The following PCDH11X variants were observed in gnomAD, a reference collection of about 807,000 sequenced individuals.
PCDH11X encodes the protein protocadherin 11 X-linked.
A neutral mutation model predicts 53.3 loss-of-function variants in PCDH11X; 18 were observed. That is an observed-to-expected ratio of 0.34 (90% CI 0.23 to 0.50). The LOEUF (loss-of-function observed/expected upper bound fraction) is 0.50, where lower values mean the gene tolerates loss of function less well. Ranked by LOEUF, PCDH11X falls within the 20% of genes least tolerant of loss-of-function variation. The pLI is 0.98. For missense variants in PCDH11X, 570 were observed against 1,032.4 expected (o/e 0.55, Z 6.14); for synonymous variants, 279 against 393.3 (o/e 0.71, Z 3.44).
chrX:91,861,229 T>C (rs894152258), intron 5 of PCDH11X, among the ~76,000 whole-genome samples: 1 of 111,984 alleles, frequency 8.9e-6, no homozygotes, highest in Non-Finnish European at 1.9e-5. Flanking sequence ...TCCAGGAATT[T>C]ATCGATTTCT....
At chrX:92,445,290 C>T (rs1373004661) in intron 9 of PCDH11X, among the ~76,000 whole-genome samples, 19 of 92,819 alleles carry the variant, frequency 2.0e-4, no homozygotes, top group Non-Finnish European at 2.9e-4. Flanking sequence ...CAACTTCTTC[C>T]TGATTCAATC....
At chrX:91,822,132 T>A (rs1936712312) in intron 4 of PCDH11X, among the ~76,000 whole-genome samples, 1 of 110,235 alleles carries the variant, frequency 9.1e-6, no homozygotes, top group Non-Finnish European at 1.9e-5. Flanking sequence ...GGTCTAAAAT[T>A]CTCTTTTTTG....
intron 6 of PCDH11X, among the ~76,000 whole-genome samples, chrX:92,109,521 A>G (rs1325173103): frequency 1.8e-5 from 2 of 111,346 alleles, no homozygotes; most frequent in African/African-American, 6.5e-5. Flanking sequence ...GAACTGGTTG[A>G]GCCAGGTCTG....
intron 6 of PCDH11X, among the ~76,000 whole-genome samples, chrX:92,055,653 G>A (rs36033222): frequency 0.016 from 1,743 of 108,267 alleles, 35 homozygotes; most frequent in African/African-American, 0.057. Context: ...AGATTATTTC[G>A]TCACCCAGAT....
chrX:92,038,449 T>C (rs1303102022), intron 6 of PCDH11X, among the ~76,000 whole-genome samples: 1 of 111,214 alleles, frequency 9.0e-6, no homozygotes, highest in Non-Finnish European at 1.9e-5. Flanking sequence ...GCTTTGGCAG[T>C]ATCCACGTGG....
At chrX:92,026,540 G>A (rs759863412) in intron 6 of PCDH11X, among the ~76,000 whole-genome samples, 150 of 107,594 alleles carry the variant, frequency 1.4e-3, no homozygotes, top group African/African-American at 5.0e-3. Context: ...AAAATGATAG[G>A]GGTTTCACAA....
At chrX:92,256,926 C>G (rs1433194345) in intron 7 of PCDH11X, among the ~76,000 whole-genome samples, 2 of 111,230 alleles carry the variant, frequency 1.8e-5, no homozygotes, top group Non-Finnish European at 3.8e-5. Flanking sequence ...CTGCTTTTTT[C>G]AAGCAAAAGG....
intron 8 of PCDH11X, among the ~76,000 whole-genome samples, chrX:92,364,457 A>G (rs1174880416): frequency 9.0e-6 from 1 of 111,013 alleles, no homozygotes; most frequent in Non-Finnish European, 1.9e-5. Context: ...TGTATAGGGC[A>G]CTAAACATGA....
At position 91,810,529 on chromosome X, in the gene PCDH11X, C is replaced by T. The variant is rs1936263204; in HGVS notation, c.-153C>T. The T allele has an allele frequency of 8.9e-6, 1 of 111,893 alleles. No homozygotes were observed. Among genetic ancestry groups the T allele is most frequent in the Non-Finnish European group, 1.9e-5 (1 of 53,159 alleles). The allele number at this position is 111,893 out of a possible 1,213,427, so 9.2% of individuals were successfully genotyped here. A position where few individuals can be genotyped will look rare whatever the true frequency, so the allele number is the denominator to read the frequency against. On this transcript the variant is annotated 5_prime_UTR_variant, in exon 3 of 11. Transcript: ENST00000682573. ...CAGATCACATACCGGAGAGGTTTTG[C>T]CTCAGCTGCTCTCAACTTTGTAATC...
intron 6 of PCDH11X, among the ~76,000 whole-genome samples, chrX:91,895,366 G>C (rs1940698745): frequency 2.7e-5 from 3 of 111,465 alleles, no homozygotes; most frequent in Non-Finnish European, 5.6e-5. Context: ...AAAAGAGATT[G>C]AGACAGGGAG....
At chrX:92,012,527 GT>G (rs999522954) in intron 6 of PCDH11X, among the ~76,000 whole-genome samples, 1 of 111,639 alleles carries the variant, frequency 9.0e-6, no homozygotes, top group African/African-American at 3.3e-5. Context: ...CTTTTCGCAA[GT>G]TTGTTCTTCT....
chrX:92,455,850 G>A (rs1478434463), intron 9 of PCDH11X, among the ~76,000 whole-genome samples: 2 of 95,838 alleles, frequency 2.1e-5, no homozygotes, highest in Admixed American at 1.2e-4. Context: ...TGAAATTCTC[G>A]TATAAGATTT....
intron 7 of PCDH11X, among the ~76,000 whole-genome samples, chrX:92,210,703 T>C (rs1342185603): frequency 8.9e-6 from 1 of 112,010 alleles, no homozygotes; most frequent in African/African-American, 3.2e-5. Flanking sequence ...CCTTGAACAC[T>C]ATGCTGCTTA....
intron 6 of PCDH11X, among the ~76,000 whole-genome samples, chrX:92,155,966 T>C (rs56715923): frequency 0.06 from 6,484 of 108,247 alleles, 599 homozygotes; most frequent in African/African-American, 0.21. Context: ...CTCTGCTTCC[T>C]CTCCCGTCCC....
At chrX:92,093,887 T>A (rs5984875) in intron 6 of PCDH11X, among the ~76,000 whole-genome samples, 1,570 of 111,247 alleles carry the variant, frequency 0.014, 27 homozygotes, top group African/African-American at 0.048. Context: ...AACTCTCCAA[T>A]CATTTTAAAG....
intron 8 of PCDH11X, among the ~76,000 whole-genome samples, chrX:92,310,112 C>G (rs779355226): frequency 5.4e-5 from 6 of 111,366 alleles, no homozygotes; most frequent in Non-Finnish European, 1.1e-4. Context: ...TTTGTTATGC[C>G]TTTGTTTCCT....
chrX:92,422,875 G>A (rs1382530758), intron 9 of PCDH11X, among the ~76,000 whole-genome samples: 2 of 107,826 alleles, frequency 1.9e-5, no homozygotes, highest in East Asian at 2.9e-4. Context: ...TTGAGACGGA[G>A]TCTCACTCTA....
chrX:92,156,249 C>G (rs1367178536), intron 6 of PCDH11X, among the ~76,000 whole-genome samples: 1 of 110,050 alleles, frequency 9.1e-6, no homozygotes, highest in Admixed American at 9.7e-5. Flanking sequence ...TCCGCCCCCC[C>G]ATTCCTTGTT....
chrX:92,181,329 G>A (rs1716142753), intron 6 of PCDH11X, among the ~76,000 whole-genome samples: 2 of 111,771 alleles, frequency 1.8e-5, no homozygotes, highest in South Asian at 3.7e-4. Flanking sequence ...CATTCAAGAT[G>A]TGACTTGGGT....
Sources: allele counts gnomAD v4.1 joint callset (sites outside exome capture counted in the v4.1 genomes callset), GRCh38; gene constraint gnomAD v4.1.1; transcripts MANE v1.5; gene names NCBI Gene and HGNC (gene_info 2026-07-23, HGNC 2026-07-21).